CDC42BPB: variants seen among roughly 807,000 people sequenced by gnomAD.
The protein encoded by CDC42BPB is serine/threonine-protein kinase MRCK beta.
Under a neutral mutation model 214.9 loss-of-function variants are expected in CDC42BPB, and 37 were observed. The observed-to-expected ratio is 0.17, with a 90% CI of 0.13 to 0.23. The LOEUF is 0.23. Among genes scored for constraint, CDC42BPB ranks in the 10% least tolerant of loss-of-function variants. The pLI is 1.00. For missense variants in CDC42BPB, 1,694 were observed against 2,227.0 expected (o/e 0.76, Z 4.82); for synonymous variants, 931 against 884.0 (o/e 1.05, Z -0.94).
intron 17 of CDC42BPB, among the ~76,000 whole-genome samples, 193 bp downstream of exon 17, chr14:102,966,852 CG>C (rs1300284353): frequency 6.6e-6 from 1 of 152,090 alleles, no homozygotes; most frequent in Non-Finnish European, 1.5e-5. Flanking sequence ...TTGGTGGGGG[CG>C]TATCTCCACC....
At position 102,944,470 on chromosome 14, in the gene CDC42BPB, C is replaced by A. The variant is rs1454734405; in HGVS notation, c.3829G>T (p.Asp1277Tyr). The A allele has an allele frequency of 6.2e-7, 1 of 1,611,380 alleles. No individual in the cohort carries two copies. Among genetic ancestry groups the A allele is most frequent in the African/African-American group, 1.3e-5 (1 of 75,038 alleles). Residue 1277 changes from aspartate (D) to tyrosine (Y), a missense_variant, in exon 30 of 37, where the codon GAC (aspartate) becomes TAC (tyrosine). This residue lies in a region of CDC42BPB where 567 missense variants were observed against 790.3 expected (regional missense o/e 0.72). Transcript: ENST00000361246. This position sits in a 1 kb window ranked among gnomAD's most constrained non-coding sequence, Gnocchi z 6.6. Reference protein sequence around the residue: ...VTRDVIVRAADCKKVHQIELA... With the variant: ...VTRDVIVRAAYCKKVHQIELA... ...TCGATCTGGTGTACCTTCTTACAGTCAGCGGCACGGACGATCACTGTGGCA... is the reference window on the plus strand; with the variant it reads ...TCGATCTGGTGTACCTTCTTACAGTAAGCGGCACGGACGATCACTGTGGCA...
At chr14:103,005,699 A>T (rs985822529) in intron 3 of CDC42BPB, among the ~76,000 whole-genome samples, 6 of 151,972 alleles carry the variant, frequency 3.9e-5, no homozygotes, top group African/African-American at 1.2e-4. Flanking sequence ...CCTGTCTCTA[A>T]AACAAGAAAA....
In CDC42BPB at chr14:102,964,565, C is replaced by T. The variant is rs1234297974; in HGVS notation, c.2663G>A (p.Arg888Gln). The change falls in exon 19 of 37, where the codon CGG (arginine) becomes CAG (glutamine). Residue 888 changes from arginine to glutamine, a missense_variant. This residue lies in a region of CDC42BPB where 55 missense variants were observed against 95.5 expected (regional missense o/e 0.58). Transcript: ENST00000361246. The part of the protein sequence containing the change: ...ELQSALEAEI[R>Q]AKQLVQEELR... ...CTCCTCCTGGACAAGCTGCTTGGCC[C>T]GGATCTCCGCCTCCAGGGCCGACTG... is the stretch of plus-strand genomic sequence containing the variant. 2.5e-6 allele frequency: 4 copies of T among 1,613,766 alleles called. No homozygotes were observed. The highest frequency in any genetic ancestry group is 2.2e-5 in the East Asian group (1 of 44,892).
Position 103,057,315 on chromosome 14 carries a change from C to T in CDC42BPB, c.-142G>A. The T allele has an allele frequency of 9.5e-7, 1 of 1,051,124 alleles. No homozygotes were observed. Among genetic ancestry groups the T allele is most frequent in the Non-Finnish European group, 1.1e-6 (1 of 874,636 alleles). 65.1% of individuals were successfully genotyped at this position (1,051,124 alleles called of 1,614,324 possible). A position where few individuals can be genotyped will look rare whatever the true frequency, so the allele number is the denominator to read the frequency against. On this transcript the variant is annotated 5_prime_UTR_variant, in exon 1 of 37. Coordinates refer to ENST00000361246, the MANE Select transcript of CDC42BPB (RefSeq NM_006035.4). ...CGCCGCCCCGTCCGCGTCGTCGCGC[C>T]CCGGCCTAGGCCGACATCTTGGGCT...
intron 1 of CDC42BPB, 48 bp downstream of exon 1, chr14:103,056,951 C>A: frequency 7.9e-7 from 1 of 1,265,312 alleles, no homozygotes; most frequent in Non-Finnish European, 1.0e-6. Context: ...CGGGCTGGGG[C>A]GCGGGGGTCG....
At chr14:102,954,553 A>T in intron 22 of CDC42BPB, 49 bp downstream of exon 22, 1 of 1,533,794 alleles carries the variant, frequency 6.5e-7, no homozygotes, top group Non-Finnish European at 9.0e-7. Context: ...TCACCTGGAC[A>T]CGAGGGCAGA....
chr14:103,055,188 C>T (rs145525075), intron 1 of CDC42BPB, among the ~76,000 whole-genome samples: 111 of 152,268 alleles, frequency 7.3e-4, no homozygotes, highest in Non-Finnish European at 1.3e-3. Flanking sequence ...TTTGGGAGGC[C>T]GAGGCAGGTG....
chr14:102,972,212 A>G (rs1893506045), intron 12 of CDC42BPB, 51 bp from the exon 13 acceptor site: 2 of 1,596,484 alleles, frequency 1.3e-6, no homozygotes, highest in Non-Finnish European at 1.7e-6. Context: ...AAAGGCTTGG[A>G]AGGCTGGAGG....
At chr14:102,978,844 T>A (rs1020302895) in intron 8 of CDC42BPB, among the ~76,000 whole-genome samples, 12 of 152,018 alleles carry the variant, frequency 7.9e-5, no homozygotes, top group Admixed American at 2.6e-4. Context: ...CCGTCTCTAC[T>A]AAAAATACAA....
At chr14:103,054,646 A>T (rs1307916752) in intron 1 of CDC42BPB, among the ~76,000 whole-genome samples, 1 of 152,270 alleles carries the variant, frequency 6.6e-6, no homozygotes, top group African/African-American at 2.4e-5. Context: ...AAATGAGTTT[A>T]AATACTTGTA....
chr14:103,045,501 C>T (rs1595189308), intron 1 of CDC42BPB, among the ~76,000 whole-genome samples: 1 of 152,190 alleles, frequency 6.6e-6, no homozygotes. Context: ...ACCCGAGGAG[C>T]AGGCGCTGTC....
At chr14:102,976,347 C>T (rs2139496183) in intron 9 of CDC42BPB, 1 of 364,878 alleles carries the variant, frequency 2.7e-6, no homozygotes, top group Non-Finnish European at 3.8e-6. Context: ...GGCATGGATC[C>T]TGCGTAAAGC....
At chr14:103,015,426 G>A (rs1486013350) in intron 1 of CDC42BPB, among the ~76,000 whole-genome samples, 1 of 151,780 alleles carries the variant, frequency 6.6e-6, no homozygotes, top group Non-Finnish European at 1.5e-5. Context: ...GGCAGAGGCT[G>A]CAGTGAGCCA....
chr14:103,035,033 T>G (rs1317683466), intron 1 of CDC42BPB, among the ~76,000 whole-genome samples: 1 of 151,738 alleles, frequency 6.6e-6, no homozygotes, highest in African/African-American at 2.4e-5. Context: ...CACCATTCAA[T>G]AGGGGCAACT....
intron 1 of CDC42BPB, among the ~76,000 whole-genome samples, chr14:103,024,624 G>A (rs556803593): frequency 3.9e-5 from 6 of 152,322 alleles, no homozygotes; most frequent in African/African-American, 1.4e-4. Context: ...CTATTTGACA[G>A]ACTTGAGAAG....
chr14:103,026,018 A>G (rs1887032586), intron 1 of CDC42BPB, among the ~76,000 whole-genome samples: 2 of 152,192 alleles, frequency 1.3e-5, no homozygotes, highest in Admixed American at 1.3e-4. Flanking sequence ...CTGAAGAATA[A>G]CTGTGCGCCC....
At chr14:103,026,536 C>T (rs1430616073) in intron 1 of CDC42BPB, among the ~76,000 whole-genome samples, 1 of 151,748 alleles carries the variant, frequency 6.6e-6, no homozygotes, top group African/African-American at 2.4e-5. Context: ...CTACAAACAC[C>T]AAACCTGAAC....
At chr14:102,938,992 A>AG (rs1038067319) in intron 34 of CDC42BPB, among the ~76,000 whole-genome samples, 1 of 149,760 alleles carries the variant, frequency 6.7e-6, no homozygotes, top group African/African-American at 2.5e-5. Flanking sequence ...GCTGGAGTGC[A>AG]GTGGTGCAAT....
At chr14:103,002,196 G>C (rs1595131154) in intron 4 of CDC42BPB, among the ~76,000 whole-genome samples, 1 of 152,284 alleles carries the variant, frequency 6.6e-6, no homozygotes, top group East Asian at 1.9e-4. Context: ...CATAGGAAGA[G>C]GAACTGGCCT....
Sources: allele counts gnomAD v4.1 joint callset (sites outside exome capture counted in the v4.1 genomes callset), GRCh38; gene constraint gnomAD v4.1.1; regional missense constraint gnomAD v4.1.1; non-coding constraint Gnocchi (gnomAD v3.1); transcripts MANE v1.5; gene names NCBI Gene and HGNC (gene_info 2026-07-23, HGNC 2026-07-21).